The following DEPDC5 variants were observed in gnomAD, a reference collection of about 807,000 sequenced individuals.
The protein encoded by DEPDC5 is DEP domain containing 5, GATOR1 subcomplex subunit.
DEPDC5 carries 73 observed loss-of-function variants against 217.3 expected under a neutral mutation model. The observed-to-expected ratio is 0.34, with a 90% CI of 0.28 to 0.41. The LOEUF is 0.41. DEPDC5 is among the 10% of genes least tolerant of loss of function. DEPDC5 has a pLI of 1.00. For synonymous variants in DEPDC5, 733 were observed against 756.7 expected, an observed-to-expected ratio of 0.97 and a Z score of 0.51; for missense variants, 1,675 against 2,070.1, an observed-to-expected ratio of 0.81 and a Z score of 3.70.
intron 4 of DEPDC5, among the ~76,000 whole-genome samples, chr22:31,763,485 T>G (rs2082571468): frequency 6.6e-6 from 1 of 151,702 alleles, no homozygotes; most frequent in African/African-American, 2.4e-5. Flanking sequence ...TTGTCCAGAC[T>G]GGAGTGCAGT....
chr22:31,786,424 T>TA (rs138288), intron 10 of DEPDC5, among the ~76,000 whole-genome samples: 2,359 of 80,078 alleles, frequency 0.029, 21 homozygotes, highest in Non-Finnish European at 0.041. Flanking sequence ...ATGTGGTAGC[T>TA]AAAAAAAAAA....
In DEPDC5 at chr22:31,907,438, A is replaced by G. The variant is rs1331155041; in HGVS notation, c.*941A>G. 6.6e-6 allele frequency: 1 copy of G among 151,820 alleles called. No homozygotes were observed. The highest frequency in any genetic ancestry group is 1.5e-5 in the Non-Finnish European group (1 of 68,000). 9.4% of individuals were successfully genotyped at this position (151,820 alleles called of 1,614,324 possible). ...TTTTCACTCTTGTTGCCCAGGCTGG[A>G]GTGCAATGGTGTGATCTCAGCTCAC... is the stretch of plus-strand genomic sequence containing the variant. On this transcript the variant is annotated 3_prime_UTR_variant, in exon 43 of 43. Transcript: ENST00000651528.
chr22:31,826,994 T>C (rs1466678627), intron 24 of DEPDC5, among the ~76,000 whole-genome samples: 3 of 151,838 alleles, frequency 2.0e-5, no homozygotes, highest in Non-Finnish European at 4.4e-5. Flanking sequence ...TTTGGGATGA[T>C]GTGATCCTTT....
intron 38 of DEPDC5, among the ~76,000 whole-genome samples, chr22:31,882,529 C>T (rs372041840): frequency 6.6e-6 from 1 of 152,154 alleles, no homozygotes; most frequent in Non-Finnish European, 1.5e-5. Flanking sequence ...TAGTAAGAGG[C>T]GCTCGAACCA....
intron 30 of DEPDC5, among the ~76,000 whole-genome samples, chr22:31,845,757 G>C (rs1178434593): frequency 6.6e-6 from 1 of 151,502 alleles, no homozygotes; most frequent in Non-Finnish European, 1.5e-5. Context: ...ACGTGTGTGT[G>C]TGTGTGTGTA....
chr22:31,817,342 T>G (rs1421078751), intron 21 of DEPDC5: 1 of 285,176 alleles, frequency 3.5e-6, no homozygotes, highest in Non-Finnish European at 6.9e-6. Flanking sequence ...ACTCCTGACC[T>G]CAGGTGATCT....
intron 12 of DEPDC5, among the ~76,000 whole-genome samples, chr22:31,794,907 A>C (rs1274639898): frequency 6.6e-6 from 1 of 152,006 alleles, no homozygotes; most frequent in Non-Finnish European, 1.5e-5. Flanking sequence ...AACAACAACA[A>C]CAAAAGCACA....
chr22:31,884,012 A>G (rs1382387673), intron 38 of DEPDC5, among the ~76,000 whole-genome samples: 2 of 152,066 alleles, frequency 1.3e-5, no homozygotes, highest in Admixed American at 1.3e-4. Context: ...TCTTGCTATC[A>G]TTCTCCCTCT....
intron 32 of DEPDC5, among the ~76,000 whole-genome samples, chr22:31,860,871 G>A (rs2092482923): frequency 1.3e-5 from 2 of 152,138 alleles, no homozygotes; most frequent in Non-Finnish European, 2.9e-5. Context: ...CCAAGAGGGC[G>A]ACTGGTCACC....
intron 10 of DEPDC5, among the ~76,000 whole-genome samples, chr22:31,787,129 A>G (rs1011276070): frequency 6.6e-6 from 1 of 151,894 alleles, no homozygotes; most frequent in Non-Finnish European, 1.5e-5. Flanking sequence ...ACTGTCACCC[A>G]GGCTGGAGTG....
At chr22:31,872,969 G>A (rs2092890098) in intron 34 of DEPDC5, among the ~76,000 whole-genome samples, 1 of 152,000 alleles carries the variant, frequency 6.6e-6, no homozygotes, top group Admixed American at 6.6e-5. Flanking sequence ...TTGCCAGGCT[G>A]GTCTTGACCT....
chr22:31,861,221 T>G (rs2092499164), intron 32 of DEPDC5, 147 bp from the exon 33 acceptor site: 1 of 565,624 alleles, frequency 1.8e-6, no homozygotes. Context: ...TCATATGTCC[T>G]TGTTTCTCTC....
intron 31 of DEPDC5, among the ~76,000 whole-genome samples, chr22:31,855,484 C>T (rs1379504972): frequency 1.3e-5 from 2 of 151,362 alleles, no homozygotes; most frequent in Non-Finnish European, 2.9e-5. Flanking sequence ...TCACGCCATT[C>T]TCCTGCCTCA....
upstream of DEPDC5, chr22:31,753,977 G>C (rs539046559): frequency 1.3e-5 from 2 of 152,838 alleles, no homozygotes; most frequent in East Asian, 3.9e-4. Context: ...CGGAGCCACC[G>C]GAGCGGCGCG....
intron 38 of DEPDC5, among the ~76,000 whole-genome samples, chr22:31,890,075 A>G (rs1569214579): frequency 6.6e-6 from 1 of 152,152 alleles, no homozygotes; most frequent in Non-Finnish European, 1.5e-5. Flanking sequence ...GAGGAGAGTT[A>G]CAAGTTAGGT....
chr22:31,857,894 T>G (rs1479970704), intron 32 of DEPDC5: 1 of 172,196 alleles, frequency 5.8e-6, no homozygotes, highest in Non-Finnish European at 1.2e-5. Context: ...TTAAAAAAAT[T>G]AAAAATAAAA....
chr22:31,843,070 G>C, intron 27 of DEPDC5, 25 bp from the exon 28 acceptor site: 1 of 1,557,126 alleles, frequency 6.4e-7, no homozygotes, highest in East Asian at 2.2e-5. Flanking sequence ...CAAACAGATG[G>C]AGGAAATTAT....
chr22:31,863,496 T>G (rs762932553), intron 33 of DEPDC5, among the ~76,000 whole-genome samples: 15 of 152,088 alleles, frequency 9.9e-5, no homozygotes, highest in Non-Finnish European at 2.1e-4. Flanking sequence ...GAGACTGTTA[T>G]GGAAAGTTTT....
intron 12 of DEPDC5, among the ~76,000 whole-genome samples, chr22:31,797,208 T>C (rs1320322278): frequency 6.6e-6 from 1 of 152,104 alleles, no homozygotes; most frequent in Admixed American, 6.6e-5. Flanking sequence ...ATTAGTCCAT[T>C]TTCTCACTGC....
Sources: gnomAD v4.1 joint callset for allele counts (sites outside exome capture counted in the v4.1 genomes callset) on GRCh38, gnomAD v4.1.1 for gene constraint, MANE v1.5 for transcripts, NCBI Gene and HGNC (gene_info 2026-07-23, HGNC 2026-07-21) for gene names.